The following AVEN variants were observed in gnomAD, a reference collection of about 807,000 sequenced individuals.
AVEN encodes apoptosis and caspase activation inhibitor.
A neutral mutation model predicts 38.1 loss-of-function variants in AVEN; 41 were observed. The observed-to-expected ratio is 1.08, with a 90% CI of 0.84 to 1.40. The LOEUF is 1.40. Among genes scored for constraint, AVEN ranks in the 40% most tolerant of loss-of-function variants. AVEN has a pLI of 0.00. For missense variants in AVEN, 605 were observed against 438.8 expected, an observed-to-expected ratio of 1.38 and a Z score of -3.38; for synonymous variants, 206 against 171.8, an observed-to-expected ratio of 1.20 and a Z score of -1.56.
chr15:33,957,103 T>C (rs1438033362), intron 2 of AVEN, among the ~76,000 whole-genome samples: 2 of 152,256 alleles, frequency 1.3e-5, no homozygotes, highest in African/African-American at 4.8e-5. Flanking sequence ...TGTGAGCTCC[T>C]CAGGAACAGT....
intron 2 of AVEN, among the ~76,000 whole-genome samples, chr15:33,943,590 C>T (rs1894398773): frequency 6.6e-6 from 1 of 152,166 alleles, no homozygotes; most frequent in Non-Finnish European, 1.5e-5. Context: ...AATCCCAACA[C>T]TTTGGAAGGC....
At chr15:34,073,519 C>CTTTTTTTTTTT (rs10617421) in intron 1 of AVEN, among the ~76,000 whole-genome samples, 1 of 88,510 alleles carries the variant, frequency 1.1e-5, no homozygotes, top group African/African-American at 4.3e-5. Flanking sequence ...TTTCTTTTTT[C>CTTTTTTTTTTT]TTTTTTTTTT....
At position 33,867,745 on chromosome 15, in the gene AVEN, G is replaced by T. The variant is rs532118544; in HGVS notation, c.723C>A (p.Ile241=). The change falls in exon 5 of 6, where the codon ATC becomes ATA. Residue 241 remains isoleucine (I), a synonymous_variant. Transcript: ENST00000306730. ...CAGCAGCCACAGATTTCAGCTCAAA[G>T]ATGGGCCCCCTTCCTCCAGGCCCCA... ...GPLGPGGRGP[I]FELKSVAAGC... 36 of 1,614,172 alleles carry T rather than the reference G, an allele frequency of 2.2e-5. No individual in the cohort carries two copies. The East Asian group carries it at 7.4e-4, about 33-fold the overall frequency.
At chr15:33,917,189 T>C (rs1051358005) in intron 2 of AVEN, among the ~76,000 whole-genome samples, 2 of 152,022 alleles carry the variant, frequency 1.3e-5, no homozygotes, top group African/African-American at 2.4e-5. Flanking sequence ...AAAGCAGAAC[T>C]ACCATTTGAT....
chr15:33,960,120 GA>G (rs1292245919), intron 2 of AVEN, among the ~76,000 whole-genome samples: 2 of 152,070 alleles, frequency 1.3e-5, no homozygotes, highest in Non-Finnish European at 2.9e-5. Flanking sequence ...GTTTCTTTTA[GA>G]AATAAAATAC....
At position 34,073,986 on chromosome 15, in the gene AVEN, CTTCTT is replaced by C. The variant is rs869159358; in HGVS notation, n.720+445_720+449del. ...TGGAGGAACTTTCTTTTTTCTTCTT[CTTCTT>C]TTTTTTTTTTTTTTTTTTTTTTTTG... is the stretch of plus-strand genomic sequence containing the variant. On this transcript the variant is annotated intron_variant and non_coding_transcript_variant, in intron 1 of 11. Transcript: ENST00000675287. Among the ~76,000 whole-genome samples, 77 of 112,182 alleles carry C rather than the reference CTTCTT, an allele frequency of 6.9e-4. 9 individuals are homozygous for C. The highest frequency in any genetic ancestry group is 1.8e-3 in the African/African-American group (44 of 24,264). The allele number at this position is 112,182 out of a possible 152,430, so 73.6% of individuals were successfully genotyped here. A position where few individuals can be genotyped will look rare whatever the true frequency, so the allele number is the denominator to read the frequency against.
intron 2 of AVEN, among the ~76,000 whole-genome samples, chr15:33,910,133 CAA>C (rs11313496): frequency 0.067 from 8,332 of 123,928 alleles, 308 homozygotes; most frequent in African/African-American, 0.13. Context: ...GACTCCATCT[CAA>C]AAAAAAAAAA....
At chr15:34,055,018 C>T (rs1366301371) in intron 5 of AVEN, among the ~76,000 whole-genome samples, 1 of 151,944 alleles carries the variant, frequency 6.6e-6, no homozygotes, top group African/African-American at 2.4e-5. Context: ...CATGGAGAAA[C>T]CCCATCTCTA....
chr15:33,863,549 G>GC (rs1889298203), downstream of AVEN, among the ~76,000 whole-genome samples: 1 of 152,290 alleles, frequency 6.6e-6, no homozygotes, highest in Non-Finnish European at 1.5e-5. Context: ...TGAGAGTTCA[G>GC]CCCCTGCCCC....
downstream of AVEN, chr15:33,857,970 A>T (rs948527920): frequency 2.1e-5 from 34 of 1,603,858 alleles, 1 homozygote; most frequent in Admixed American, 5.7e-4. Flanking sequence ...ACCCCGCCCC[A>T]CCACCTCACT....
intron 2 of AVEN, among the ~76,000 whole-genome samples, chr15:33,976,824 A>G (rs1895908527): frequency 6.6e-6 from 1 of 152,148 alleles, no homozygotes. Context: ...AACTTTTGAA[A>G]CAAACATCCT....
chr15:33,861,402 AT>A, downstream of AVEN, among the ~76,000 whole-genome samples: 1 of 151,930 alleles, frequency 6.6e-6, no homozygotes, highest in Non-Finnish European at 1.5e-5. Context: ...TCAACCTGTG[AT>A]TGGATTCCAT....
chr15:34,060,628 A>C (rs1020176742), intron 5 of AVEN, among the ~76,000 whole-genome samples: 1 of 152,158 alleles, frequency 6.6e-6, no homozygotes, highest in Non-Finnish European at 1.5e-5. Flanking sequence ...GTAATCCCAG[A>C]ACTTTGGGAA....
intron 2 of AVEN, among the ~76,000 whole-genome samples, chr15:33,989,824 T>A (rs759629483): frequency 3.2e-4 from 48 of 151,564 alleles, no homozygotes; most frequent in Non-Finnish European, 5.4e-4. Flanking sequence ...CTTAATTTTT[T>A]TAAGGAGAGG....
At chr15:34,072,402 G>T (rs1052271094) in intron 1 of AVEN, among the ~76,000 whole-genome samples, 3 of 151,968 alleles carry the variant, frequency 2.0e-5, no homozygotes, top group Non-Finnish European at 4.4e-5. Context: ...CACGAGGTCA[G>T]GAGTTCGAGA....
At chr15:33,950,032 T>TA (rs1015637581) in intron 2 of AVEN, among the ~76,000 whole-genome samples, 3 of 152,020 alleles carry the variant, frequency 2.0e-5, no homozygotes, top group Non-Finnish European at 2.9e-5. Flanking sequence ...TATTTAGCCA[T>TA]AAAAAAAGAA....
In AVEN at chr15:34,003,043, A is replaced by G; in HGVS notation, c.434T>C (p.Leu145Pro). Residue 145 changes from leucine to proline, a missense_variant, in exon 2 of 6, where the codon CTT becomes CCT. Physicochemically the swap from Leu to Pro is moderately conservative, Grantham distance 98 (BLOSUM62 -3). Transcript: ENST00000306730. ...ACTGGAATTCATACCTGCAGAGCTA[A>G]GGAGGACACTGAAATCTGTTCCCCT... ...SQRGTDFSVL[L>P]SSAGDSFSQF... is the part of the protein sequence containing the mutation. The G allele has an allele frequency of 6.2e-7, 1 of 1,613,660 alleles. No homozygotes were observed. The highest frequency in any genetic ancestry group is 8.5e-7 in the Non-Finnish European group (1 of 1,179,756).
Position 33,894,463 on chromosome 15 carries a change from G to C in AVEN, c.446-18468C>G, listed in dbSNP as rs531567856. On this transcript the variant is annotated intron_variant, in intron 2 of 5. Transcript: ENST00000306730. ...GCTAATACTAAAAATGTAACTAAAA[G>C]TTTAATAAAGTAGAAGAACACAGGC... Among the ~76,000 whole-genome samples, 10 of 146,506 alleles carry C rather than the reference G, an allele frequency of 6.8e-5. No individual in the cohort carries two copies. In the South Asian group the frequency reaches 2.0e-3, roughly 30 times the overall value.
intron 2 of AVEN, among the ~76,000 whole-genome samples, chr15:33,970,416 C>G (rs1434911105): frequency 1.3e-5 from 2 of 151,838 alleles, no homozygotes; most frequent in African/African-American, 4.8e-5. Context: ...TTATCTAATA[C>G]AACAATTTGT....
Sources: allele counts gnomAD v4.1 joint callset (sites outside exome capture counted in the v4.1 genomes callset), GRCh38; gene constraint gnomAD v4.1.1; transcripts MANE v1.5; gene names NCBI Gene and HGNC (gene_info 2026-07-23, HGNC 2026-07-21).